JAKMIP1: variants seen among roughly 807,000 people sequenced by gnomAD.
JAKMIP1 encodes janus kinase and microtubule interacting protein 1.
JAKMIP1 carries 33 observed loss-of-function variants against 113.0 expected under a neutral mutation model. That is an observed-to-expected ratio of 0.29 (90% CI 0.22 to 0.39). JAKMIP1 has a LOEUF of 0.39. Ranked by LOEUF, JAKMIP1 falls within the 10% of genes least tolerant of loss-of-function variation. JAKMIP1 has a pLI of 1.00. For missense variants in JAKMIP1, 813 were observed against 1,080.5 expected, an observed-to-expected ratio of 0.75 and a Z score of 3.47; for synonymous variants, 480 against 459.9, an observed-to-expected ratio of 1.04 and a Z score of -0.56.
intron 5 of JAKMIP1, among the ~76,000 whole-genome samples, chr4:6,084,641 A>G (rs1353581280): frequency 1.3e-5 from 2 of 152,196 alleles, no homozygotes; most frequent in Non-Finnish European, 2.9e-5. Flanking sequence ...GTTGTTTGCT[A>G]AAGATAAGTT....
chr4:6,169,106 T>C (rs1433528062), intron 1 of JAKMIP1, among the ~76,000 whole-genome samples: 3 of 152,232 alleles, frequency 2.0e-5, no homozygotes, highest in Non-Finnish European at 4.4e-5. Context: ...TTGTACACTT[T>C]AAAAGGCCAG....
intron 11 of JAKMIP1, among the ~76,000 whole-genome samples, chr4:6,057,503 A>G (rs1716643418): frequency 6.6e-6 from 1 of 152,146 alleles, no homozygotes; most frequent in Non-Finnish European, 1.5e-5. Flanking sequence ...GAATGCACAG[A>G]AGAGGCCCTG....
At chr4:6,056,917 A>T (rs1340013462) in intron 11 of JAKMIP1, among the ~76,000 whole-genome samples, 158 bp from the exon 12 acceptor site, 1 of 152,212 alleles carries the variant, frequency 6.6e-6, no homozygotes, top group African/African-American at 2.4e-5. Context: ...GTCCACTTTT[A>T]AACCCCAAAA....
chr4:6,098,591 GAAGA>G (rs1483648589), intron 3 of JAKMIP1, among the ~76,000 whole-genome samples: 4 of 119,666 alleles, frequency 3.3e-5, no homozygotes, highest in Admixed American at 1.6e-4. Flanking sequence ...AGAAGGAAAG[GAAGA>G]AAGAAAGGAA....
rs1246654265 is a variant in JAKMIP1 at position 6,106,425 on chromosome 4, G to A, written c.130-458C>T. ...GCAGTGAGCAGGGGGCACCATTCTTGTTGAGTGGGGTCCCTAGCTGGGCTG... is the reference window on the plus strand; with the variant it reads ...GCAGTGAGCAGGGGGCACCATTCTTATTGAGTGGGGTCCCTAGCTGGGCTG... On this transcript the variant is annotated intron_variant, in intron 2 of 20. Transcript: ENST00000409021. The surrounding 1 kb of genome is among the most constrained non-coding windows in gnomAD (Gnocchi z 5.9). Among the ~76,000 whole-genome samples the A allele has an allele frequency of 6.6e-6, 1 of 152,068 alleles. No individual in the cohort carries two copies. Among genetic ancestry groups the A allele is most frequent in the Non-Finnish European group, 1.5e-5 (1 of 68,024 alleles).
chr4:6,094,119 A>G lies in JAKMIP1; in HGVS notation c.625-8490T>C. Among the ~76,000 whole-genome samples the G allele has an allele frequency of 6.6e-6, 1 of 152,066 alleles. No homozygotes were observed. The highest frequency in any genetic ancestry group is 1.9e-4 in the East Asian group (1 of 5,166). On this transcript the variant is annotated intron_variant, in intron 3 of 20. Transcript: ENST00000409021. This position sits in a 1 kb window ranked among gnomAD's most constrained non-coding sequence, Gnocchi z 4.2. ...AGAGGCTGGCCCAGCAGGCATCTAT[A>G]TAGGGAACATGCATCGAACACATGC...
Position 6,106,061 on chromosome 4 carries a change from C to T in JAKMIP1, c.130-94G>A. ...GCTGGGGGAGCTGGCCACAGCCTCC[C>T]CACGCCCAAGACACCCACCTGGGCC... is the stretch of plus-strand genomic sequence containing the variant. On this transcript the variant is annotated intron_variant, in intron 2 of 20. Coordinates refer to ENST00000409021, the MANE Select transcript of JAKMIP1 (RefSeq NM_001099433.2). This position sits in a 1 kb window ranked among gnomAD's most constrained non-coding sequence, Gnocchi z 5.9. 1 of 850,044 alleles carries T rather than the reference C, an allele frequency of 1.2e-6. No individual in the cohort carries two copies. The allele number at this position is 850,044 out of a possible 1,614,324, so 52.7% of individuals were successfully genotyped here.
At chr4:6,057,986 T>C (rs1160783170) in intron 11 of JAKMIP1, among the ~76,000 whole-genome samples, 1 of 152,278 alleles carries the variant, frequency 6.6e-6, no homozygotes, top group Non-Finnish European at 1.5e-5. Flanking sequence ...ATAGAACCCC[T>C]GCTGTTCTAA....
In JAKMIP1 at chr4:6,140,114, A is replaced by G. The variant is rs1719897707; in HGVS notation, c.-147-27117T>C. Among the ~76,000 whole-genome samples, 1 of 152,204 alleles carries G rather than the reference A, an allele frequency of 6.6e-6. No homozygotes were observed. The highest frequency in any genetic ancestry group is 1.5e-5 in the Non-Finnish European group (1 of 68,046). On this transcript the variant is annotated intron_variant, in intron 1 of 20. Transcript: ENST00000409021. This position sits in a 1 kb window ranked among gnomAD's most constrained non-coding sequence, Gnocchi z 9.4. ...GGATTGAGATGTACTGAGAATAGCT[A>G]TGAACTATTGTCCCAGTTTTTTGGA...
In JAKMIP1 at chr4:6,049,544, C is replaced by T. The variant is rs945862175; in HGVS notation, c.1962+275G>A. On this transcript the variant is annotated intron_variant, in intron 15 of 20. Transcript: ENST00000409021. This position sits in a 1 kb window ranked among gnomAD's most constrained non-coding sequence, Gnocchi z 7.0. ...GATCCCTTTCTGATTTCAGCAATCT[C>T]GTGTGACTCCACCTGCATTCTGGGT... Among the ~76,000 whole-genome samples, 3 of 151,996 alleles carry T rather than the reference C, an allele frequency of 2.0e-5. No individual in the cohort carries two copies. Among genetic ancestry groups the T allele is most frequent in the Non-Finnish European group, 4.4e-5 (3 of 68,034 alleles).
Position 6,171,638 on chromosome 4 carries a change from A to C in JAKMIP1, c.-148+28615T>G, listed in dbSNP as rs571398624. Among the ~76,000 whole-genome samples, 35 of 152,358 alleles carry C rather than the reference A, an allele frequency of 2.3e-4. 3 individuals are homozygous for C. The South Asian group carries it at 7.2e-3, about 32-fold the overall frequency. ...TAGGGAATGCCAAGAGCATGAGTGC[A>C]CAACAGTGATAGGTGTGGGAAGACA... On this transcript the variant is annotated intron_variant, in intron 1 of 20. Transcript: ENST00000409021.
chr4:6,103,203 G>A (rs570687715), intron 3 of JAKMIP1, among the ~76,000 whole-genome samples: 99 of 152,016 alleles, frequency 6.5e-4, no homozygotes, highest in African/African-American at 2.1e-3. Flanking sequence ...CCTGGTTTTC[G>A]GAGAGTTTAT....
chr4:6,043,823 AC>A (rs1714657533), intron 16 of JAKMIP1, among the ~76,000 whole-genome samples: 1 of 151,468 alleles, frequency 6.6e-6, no homozygotes, highest in Non-Finnish European at 1.5e-5. Context: ...CTGCTCAGAG[AC>A]CTCCAAAGAC....
chr4:6,136,925 T>G lies in JAKMIP1; in HGVS notation c.-147-23928A>C, dbSNP rs11946775. ...GTTTGGCAAGCGCATGGGATTCCAC[T>G]GACCATGCCATTGTACAGATGAGGA... On this transcript the variant is annotated intron_variant, in intron 1 of 20. Transcript: ENST00000409021. This position sits in a 1 kb window ranked among gnomAD's most constrained non-coding sequence, Gnocchi z 5.9. Among the ~76,000 whole-genome samples, 2,477 of 152,280 alleles carry G rather than the reference T, an allele frequency of 0.016. 66 individuals are homozygous for G. Among genetic ancestry groups the G allele is most frequent in the African/African-American group, 0.054 (2,224 of 41,542 alleles).
In JAKMIP1 at chr4:6,181,650, G is replaced by T. The variant is rs1041106079; in HGVS notation, c.-148+18603C>A. 6.6e-6 allele frequency among the ~76,000 whole-genome samples: 1 copy of T among 152,192 alleles called. No homozygotes were observed. Among genetic ancestry groups the T allele is most frequent in the Non-Finnish European group, 1.5e-5 (1 of 68,036 alleles). On this transcript the variant is annotated intron_variant, in intron 1 of 20. Transcript: ENST00000409021. The surrounding 1 kb of genome is among the most constrained non-coding windows in gnomAD (Gnocchi z 5.4). ...AGGATATGCAGATGGAGGAGCAGGG[G>T]TCAAAGAAAAGTCAATTGGCATCAG...
At chr4:6,104,064 C>T (rs1713514513) in intron 3 of JAKMIP1, among the ~76,000 whole-genome samples, 1 of 152,078 alleles carries the variant, frequency 6.6e-6, no homozygotes, top group African/African-American at 2.4e-5. Context: ...GCTTGATTTT[C>T]AGCATTTCTT....
chr4:6,084,763 T>C (rs1284892511), intron 5 of JAKMIP1, 83 bp downstream of exon 5: 13 of 1,398,446 alleles, frequency 9.3e-6, no homozygotes, highest in African/African-American at 5.9e-5. Flanking sequence ...CTGCATTAAC[T>C]TTCTGTGCAG....
Position 6,129,174 on chromosome 4 carries a change from C to T in JAKMIP1, c.-147-16177G>A, listed in dbSNP as rs1008646160. Among the ~76,000 whole-genome samples, 1 of 152,182 alleles carries T rather than the reference C, an allele frequency of 6.6e-6. No individual in the cohort carries two copies. The highest frequency in any genetic ancestry group is 1.5e-5 in the Non-Finnish European group (1 of 68,036). Reference sequence around the variant, plus strand: ...TGTCTTCACATCTACAGAGTTCAGGCAGGAGGACACACGCCATCCAGCCAT... The same window carrying T: ...TGTCTTCACATCTACAGAGTTCAGGTAGGAGGACACACGCCATCCAGCCAT... On this transcript the variant is annotated intron_variant, in intron 1 of 20. Transcript: ENST00000409021. This position sits in a 1 kb window ranked among gnomAD's most constrained non-coding sequence, Gnocchi z 5.4.
chr4:6,107,055 C>A (rs1714073465), intron 2 of JAKMIP1, among the ~76,000 whole-genome samples: 2 of 152,202 alleles, frequency 1.3e-5, no homozygotes, highest in African/African-American at 2.4e-5. Context: ...GGCAAACACA[C>A]AAGATCAACA....
Sources: allele counts gnomAD v4.1 joint callset (sites outside exome capture counted in the v4.1 genomes callset), GRCh38; gene constraint gnomAD v4.1.1; non-coding constraint Gnocchi (gnomAD v3.1); transcripts MANE v1.5; gene names NCBI Gene and HGNC (gene_info 2026-07-23, HGNC 2026-07-21).